HIPK2: variants seen among roughly 807,000 people sequenced by gnomAD.
HIPK2 encodes homeodomain interacting protein kinase 2, also known as homeodomain-interacting protein kinase 2.
A neutral mutation model predicts 113.7 loss-of-function variants in HIPK2; 27 were observed. The observed-to-expected ratio is 0.24, with a 90% confidence interval of 0.17 to 0.33. The LOEUF is 0.33. Among genes scored for constraint, HIPK2 ranks in the 10% least tolerant of loss-of-function variants. The pLI is 1.00. For synonymous variants in HIPK2, 631 were observed against 642.2 expected (o/e 0.98, Z 0.26); for missense variants, 1,257 against 1,588.0 (o/e 0.79, Z 3.54).
rs950142073 is a variant in HIPK2, at chr7:139,567,214, G to T, written c.*5713C>A. On this transcript the variant is annotated 3_prime_UTR_variant, in exon 15 of 15. Coordinates refer to ENST00000406875, the MANE Select transcript of HIPK2 (RefSeq NM_022740.5). ...TACTGCTATTCCGAGCCCAGCCCCC[G>T]CGTGCTCTACGCCCTTGATGCAACT... is the stretch of plus-strand genomic sequence containing the variant. 6.6e-6 allele frequency: 1 copy of T among 152,116 alleles called. No individual in the cohort carries two copies. Among genetic ancestry groups the T allele is most frequent in the Non-Finnish European group, 1.5e-5 (1 of 68,074 alleles). 9.4% of individuals were successfully genotyped at this position (152,116 alleles called of 1,614,324 possible).
intron 7 of HIPK2, among the ~76,000 whole-genome samples, chr7:139,618,259 T>A (rs1800123986): frequency 6.6e-6 from 1 of 152,264 alleles, no homozygotes; most frequent in South Asian, 2.1e-4. Context: ...TTAGTAATGA[T>A]GTTATTTAAT....
At chr7:139,665,946 C>G (rs1174110607) in intron 2 of HIPK2, among the ~76,000 whole-genome samples, 2 of 139,360 alleles carry the variant, frequency 1.4e-5, no homozygotes, top group South Asian at 2.5e-4. Flanking sequence ...ATAAGGAGGT[C>G]TGCCTTTTTT....
At chr7:139,654,430 T>G (rs1410711296) in intron 2 of HIPK2, among the ~76,000 whole-genome samples, 1 of 152,076 alleles carries the variant, frequency 6.6e-6, no homozygotes, top group Non-Finnish European at 1.5e-5. Context: ...GGAGTACTGC[T>G]TGAGTCTGAG....
intron 2 of HIPK2, among the ~76,000 whole-genome samples, chr7:139,679,047 T>C (rs185224322): frequency 1.5e-3 from 234 of 152,344 alleles, no homozygotes; most frequent in African/African-American, 5.4e-3. Flanking sequence ...CTTATCAGCT[T>C]AAGGAGATTT....
At chr7:139,707,905 G>A (rs540772863) in intron 2 of HIPK2, among the ~76,000 whole-genome samples, 10 of 152,020 alleles carry the variant, frequency 6.6e-5, no homozygotes, top group South Asian at 2.1e-4. Flanking sequence ...CAGTCCAGGC[G>A]TTCCCCTCCT....
intron 1 of HIPK2, among the ~76,000 whole-genome samples, chr7:139,748,657 TAG>T (rs897112295): frequency 2.0e-4 from 31 of 151,982 alleles, no homozygotes; most frequent in Non-Finnish European, 4.0e-4. Flanking sequence ...CATACTAGAC[TAG>T]GGGCCCACCC....
chr7:139,601,443 T>G (rs1261710965), intron 10 of HIPK2, among the ~76,000 whole-genome samples: 4 of 152,228 alleles, frequency 2.6e-5, no homozygotes, highest in East Asian at 1.9e-4. Context: ...GCCATATGCT[T>G]CTGGTGTTAG....
intron 1 of HIPK2, among the ~76,000 whole-genome samples, chr7:139,754,576 TG>T (rs1406375317): frequency 1.3e-5 from 2 of 152,244 alleles, no homozygotes; most frequent in African/African-American, 4.8e-5. Flanking sequence ...AGAGTGTGTG[TG>T]TGCAGTATGT....
chr7:139,653,165 G>C (rs1251400483), intron 2 of HIPK2, among the ~76,000 whole-genome samples: 1 of 141,562 alleles, frequency 7.1e-6, no homozygotes, highest in Non-Finnish European at 1.5e-5. Flanking sequence ...AAAAAAAACT[G>C]TTCAGGAGAA....
intron 2 of HIPK2, among the ~76,000 whole-genome samples, chr7:139,662,951 T>C (rs1208653111): frequency 3.3e-5 from 5 of 152,194 alleles, no homozygotes; most frequent in Non-Finnish European, 2.9e-5. Context: ...TGCCCTGCTG[T>C]TCAGACATTC....
chr7:139,714,507 A>G lies in HIPK2; in HGVS notation c.1103+1425T>C, dbSNP rs949114622. 2.0e-5 allele frequency among the ~76,000 whole-genome samples: 3 copies of G among 151,976 alleles called. No individual in the cohort carries two copies. The highest frequency in any genetic ancestry group is 7.2e-5 in the African/African-American group (3 of 41,390). On this transcript the variant is annotated intron_variant, in intron 2 of 14. Coordinates refer to ENST00000406875, the MANE Select transcript of HIPK2 (RefSeq NM_022740.5). The surrounding 1 kb of genome is among the most constrained non-coding windows in gnomAD (Gnocchi z 4.2). ...GGCCCGGACAGGGAGCAAGAAGGGGAAGCTGGCCCAGGTCAGCCCCAGGAA... is the reference window on the plus strand; with the variant it reads ...GGCCCGGACAGGGAGCAAGAAGGGGGAGCTGGCCCAGGTCAGCCCCAGGAA...
At chr7:139,738,035 T>C (rs1221511946) in intron 1 of HIPK2, among the ~76,000 whole-genome samples, 1 of 152,198 alleles carries the variant, frequency 6.6e-6, no homozygotes, top group African/African-American at 2.4e-5. Context: ...TTCGAGTTTA[T>C]GGAAAGAAAG....
chr7:139,602,063 C>T lies in HIPK2; in HGVS notation c.2256-1467G>A, dbSNP rs1386469012. 3.3e-5 allele frequency among the ~76,000 whole-genome samples: 5 copies of T among 151,594 alleles called. No homozygotes were observed. The East Asian group carries it at 9.7e-4, about 29-fold the overall frequency. ...TGCCTCCTGGGTTCAAGCGATTCTC[C>T]TGCCTCAGCCTCCCGAGTAGCTGGG... On this transcript the variant is annotated intron_variant, in intron 10 of 14. Transcript: ENST00000406875.
intron 13 of HIPK2, among the ~76,000 whole-genome samples, chr7:139,577,694 G>A (rs1471685983): frequency 2.6e-5 from 4 of 152,196 alleles, no homozygotes; most frequent in Non-Finnish European, 4.4e-5. Context: ...AGTTAATGGA[G>A]AAGAAAACAT....
At position 139,596,768 on chromosome 7, in the gene HIPK2, G is replaced by A. The variant is rs755386169; in HGVS notation, c.2666C>T (p.Thr889Ile). Residue 889 changes from threonine to isoleucine, a missense_variant, in exon 12 of 15, where the codon ACC (threonine) becomes ATC (isoleucine). Physicochemically the swap from Thr to Ile is moderately conservative, Grantham distance 89. Transcript: ENST00000406875. ...CTCCTCGTCCGTGTCACTGCTGATG[G>A]TGATGACGCTGACCGTGGGGCTGGG... is the stretch of plus-strand genomic sequence containing the variant. ...DTPSPTVSVI[T>I]ISSDTDEEEE... 1.2e-6 allele frequency: 2 copies of A among 1,613,868 alleles called. No individual in the cohort carries two copies. The highest frequency in any genetic ancestry group is 2.7e-5 in the African/African-American group (2 of 75,066).
intron 2 of HIPK2, among the ~76,000 whole-genome samples, chr7:139,640,263 A>T (rs1800963247): frequency 6.6e-6 from 1 of 152,224 alleles, no homozygotes; most frequent in African/African-American, 2.4e-5. Flanking sequence ...GTCATTTTGG[A>T]CACCATCAAT....
At chr7:139,765,129 C>CT (rs1796532126) in intron 1 of HIPK2, among the ~76,000 whole-genome samples, 1 of 145,186 alleles carries the variant, frequency 6.9e-6, no homozygotes, top group African/African-American at 2.7e-5. Flanking sequence ...GAGCGAGACT[C>CT]TGTCTCAAAA....
intron 2 of HIPK2, among the ~76,000 whole-genome samples, chr7:139,695,809 G>T (rs1254114553): frequency 6.6e-6 from 1 of 152,228 alleles, no homozygotes; most frequent in Non-Finnish European, 1.5e-5. Flanking sequence ...CCACAGTTCA[G>T]TGAAATCCTG....
At chr7:139,707,387 G>A (rs2116892868) in intron 2 of HIPK2, among the ~76,000 whole-genome samples, 1 of 152,382 alleles carries the variant, frequency 6.6e-6, no homozygotes, top group Non-Finnish European at 1.5e-5. Flanking sequence ...AGACCCCGCA[G>A]GGGAGATTGG....
Sources: gnomAD v4.1 joint callset for allele counts (sites outside exome capture counted in the v4.1 genomes callset) on GRCh38, gnomAD v4.1.1 for gene constraint, Gnocchi (gnomAD v3.1) non-coding constraint, MANE v1.5 for transcripts, NCBI Gene and HGNC (gene_info 2026-07-23, HGNC 2026-07-21) for gene names.